TMEM63B: variants seen among roughly 807,000 people sequenced by gnomAD.
The protein encoded by TMEM63B is mechanosensitive cation channel TMEM63B.
A neutral mutation model predicts 102.6 loss-of-function variants in TMEM63B; 23 were observed. The observed-to-expected ratio is 0.22, with a 90% CI of 0.16 to 0.32. TMEM63B has a LOEUF of 0.32. Ranked by LOEUF, TMEM63B falls within the 10% of genes least tolerant of loss-of-function variation. The pLI is 1.00. For missense variants in TMEM63B, 628 were observed against 1,095.9 expected, an observed-to-expected ratio of 0.57 and a Z score of 6.03; for synonymous variants, 444 against 437.0, an observed-to-expected ratio of 1.02 and a Z score of -0.20.
intron 15 of TMEM63B, 110 bp downstream of exon 15, chr6:44,149,055 C>T (rs1216244159): frequency 6.5e-7 from 1 of 1,547,402 alleles, no homozygotes. Context: ...TGTTCCAACC[C>T]CGTGCCACCA....
chr6:44,155,164 T>G lies in TMEM63B; in HGVS notation c.*281T>G. The G allele has an allele frequency of 4.0e-6, 1 of 250,612 alleles. No homozygotes were observed. Among genetic ancestry groups the G allele is most frequent in the Non-Finnish European group, 7.6e-6 (1 of 131,790 alleles). 15.5% of individuals were successfully genotyped at this position (250,612 alleles called of 1,614,324 possible). A position where few individuals can be genotyped will look rare whatever the true frequency, so the allele number is the denominator to read the frequency against. On this transcript the variant is annotated 3_prime_UTR_variant, in exon 24 of 24. Coordinates refer to ENST00000323267, the MANE Select transcript of TMEM63B (RefSeq NM_018426.3). Reference sequence around the variant, plus strand: ...CCCCACCCCTCCCCAGCTAGTAGCATGACCAGGAGAGGGTTAATGAGAGCC... The same window carrying G: ...CCCCACCCCTCCCCAGCTAGTAGCAGGACCAGGAGAGGGTTAATGAGAGCC...
intron 10 of TMEM63B, among the ~76,000 whole-genome samples, chr6:44,146,210 T>C (rs1325893190): frequency 6.6e-6 from 1 of 152,176 alleles, no homozygotes; most frequent in Admixed American, 6.5e-5. Context: ...GCAATTTTTT[T>C]CAACCTAAAG....
Position 44,139,774 on chromosome 6 carries a change from T to C in TMEM63B, c.602+15T>C. The C allele has an allele frequency of 6.2e-7, 1 of 1,614,054 alleles. No homozygotes were observed. ...TTGAAATCAGGGTAAGATGCGAAGC[T>C]GGTCGGCCAGGCCAAGGTCTACGAC... On this transcript the variant is annotated intron_variant, in intron 8 of 23. Transcript: ENST00000323267.
intron 1 of TMEM63B, chr6:44,132,218 T>C (rs1464218916): frequency 3.1e-6 from 3 of 967,806 alleles, no homozygotes; most frequent in Non-Finnish European, 3.7e-6. Context: ...CCCATGCAGG[T>C]GGGAAGATTA....
chr6:44,131,341 G>A (rs540390079), intron 1 of TMEM63B, among the ~76,000 whole-genome samples: 2 of 152,110 alleles, frequency 1.3e-5, no homozygotes, highest in African/African-American at 4.8e-5. Context: ...CTCAGGTTTC[G>A]TAGTAACAGA....
intron 2 of TMEM63B, 74 bp from the exon 3 acceptor site, chr6:44,134,943 C>G: frequency 1.3e-6 from 2 of 1,574,178 alleles, no homozygotes; most frequent in African/African-American, 2.7e-5. Context: ...ATTTTGGACC[C>G]TCTGCTTCTG....
At chr6:44,132,490 G>A (rs1161470884) in intron 1 of TMEM63B, among the ~76,000 whole-genome samples, 1 of 152,202 alleles carries the variant, frequency 6.6e-6, no homozygotes, top group Admixed American at 6.5e-5. Flanking sequence ...CAAGGGGTGG[G>A]AATAGAGTGT....
intron 23 of TMEM63B, 67 bp from the exon 24 acceptor site, chr6:44,154,625 C>T (rs1398975053): frequency 1.3e-6 from 2 of 1,504,652 alleles, no homozygotes; most frequent in East Asian, 2.3e-5. Flanking sequence ...GTCCTACATG[C>T]CCTGGTGTTC....
At position 44,150,214 on chromosome 6, in the gene TMEM63B, C is replaced by T; in HGVS notation, c.1521-10C>T. ...TTGACCTGTACCGTTCCCTGCTCCC[C>T]TCCCTCCAGCTCTGGGGAGAACAGG... On this transcript the variant is annotated splice_polypyrimidine_tract_variant and intron_variant, in intron 16 of 23. Coordinates refer to ENST00000323267, the MANE Select transcript of TMEM63B (RefSeq NM_018426.3). The surrounding 1 kb of genome is among the most constrained non-coding windows in gnomAD (Gnocchi z 4.7). The T allele has an allele frequency of 6.2e-7, 1 of 1,613,130 alleles. No homozygotes were observed. Among genetic ancestry groups the T allele is most frequent in the Admixed American group, 1.7e-5 (1 of 60,018 alleles).
chr6:44,153,950 G>A, intron 21 of TMEM63B, 107 bp downstream of exon 21: 1 of 1,559,174 alleles, frequency 6.4e-7, no homozygotes, highest in Non-Finnish European at 8.7e-7. Context: ...CAAGGGGCCT[G>A]GGAGAGGCTG....
intron 6 of TMEM63B, chr6:44,138,944 G>C (rs985281206): frequency 4.0e-6 from 1 of 252,916 alleles, no homozygotes; most frequent in Non-Finnish European, 7.8e-6. Flanking sequence ...CAGCACTGCC[G>C]CCACCACTCC....
chr6:44,133,907 G>A (rs1167101960), intron 1 of TMEM63B, among the ~76,000 whole-genome samples: 1 of 152,236 alleles, frequency 6.6e-6, no homozygotes, highest in Non-Finnish European at 1.5e-5. Context: ...ATGGTATGGG[G>A]AAGAGAAATG....
intron 8 of TMEM63B, 150 bp downstream of exon 8, chr6:44,139,909 A>G: frequency 1.0e-6 from 1 of 953,016 alleles, no homozygotes; most frequent in South Asian, 1.4e-5. Context: ...GAGACAGAAG[A>G]GGGAAATGCC....
intron 15 of TMEM63B, 85 bp downstream of exon 15, chr6:44,149,030 C>T: frequency 6.3e-7 from 1 of 1,598,706 alleles, no homozygotes; most frequent in Non-Finnish European, 8.5e-7. Flanking sequence ...CTTGCCCAGC[C>T]CAGCCCGTTC....
intron 1 of TMEM63B, 152 bp from the exon 2 acceptor site, chr6:44,134,408 TC>T: frequency 1.4e-6 from 1 of 715,966 alleles, no homozygotes; most frequent in East Asian, 2.8e-5. Flanking sequence ...GACTCAACTC[TC>T]CCCTCCCTAG....
In TMEM63B at chr6:44,139,775, G is replaced by T; in HGVS notation, c.602+16G>T. 1 of 1,614,162 alleles carries T rather than the reference G, an allele frequency of 6.2e-7. No homozygotes were observed. Among genetic ancestry groups the T allele is most frequent in the Non-Finnish European group, 8.5e-7 (1 of 1,180,040 alleles). On this transcript the variant is annotated intron_variant, in intron 8 of 23. Transcript: ENST00000323267. ...TGAAATCAGGGTAAGATGCGAAGCT[G>T]GTCGGCCAGGCCAAGGTCTACGACC...
intron 15 of TMEM63B, 84 bp downstream of exon 15, chr6:44,149,029 C>A: frequency 1.3e-6 from 2 of 1,599,812 alleles, no homozygotes; most frequent in Non-Finnish European, 1.7e-6. Flanking sequence ...ACTTGCCCAG[C>A]CCAGCCCGTT....
chr6:44,130,608 T>G (rs1778078047), intron 1 of TMEM63B, among the ~76,000 whole-genome samples: 1 of 151,520 alleles, frequency 6.6e-6, no homozygotes, highest in South Asian at 2.1e-4. Flanking sequence ...CCCAGCTAAA[T>G]TTTGGTGGTG....
chr6:44,140,494 T>C (rs1046615374), intron 9 of TMEM63B, 134 bp downstream of exon 9: 3 of 732,072 alleles, frequency 4.1e-6, no homozygotes, highest in African/African-American at 1.7e-5. Flanking sequence ...GGAGCTCCCA[T>C]CCTGCAAGTT....
Sources: allele counts gnomAD v4.1 joint callset (sites outside exome capture counted in the v4.1 genomes callset), GRCh38; gene constraint gnomAD v4.1.1; non-coding constraint Gnocchi (gnomAD v3.1); transcripts MANE v1.5; gene names NCBI Gene and HGNC (gene_info 2026-07-23, HGNC 2026-07-21).